CBY2: variants seen among roughly 807,000 people sequenced by gnomAD.
CBY2 encodes the protein chibby family member 2.
A neutral mutation model predicts 25.3 loss-of-function variants in CBY2; 23 were observed. The ratio of observed to expected loss-of-function variants is 0.91; its 90% CI spans 0.65 to 1.29. The LOEUF is 1.29. Among genes scored for constraint, CBY2 ranks in the 50% most tolerant of loss-of-function variants. CBY2 has a pLI of 0.00. For missense variants in CBY2, 642 were observed against 590.7 expected, an observed-to-expected ratio of 1.09 and a Z score of -0.90; for synonymous variants, 279 against 260.2, an observed-to-expected ratio of 1.07 and a Z score of -0.70.
intron 2 of CBY2, among the ~76,000 whole-genome samples, chr13:45,707,939 A>G (rs1209273855): frequency 1.3e-5 from 2 of 152,172 alleles, no homozygotes; most frequent in African/African-American, 4.8e-5. Context: ...TTCTTGTTCT[A>G]TATAATCTTT....
intron 2 of CBY2, among the ~76,000 whole-genome samples, chr13:45,705,482 C>A (rs1018771854): frequency 2.0e-5 from 3 of 152,172 alleles, no homozygotes; most frequent in African/African-American, 7.2e-5. Context: ...TGAATTCCTG[C>A]TGACAGCACC....
At chr13:45,707,813 C>T (rs566961065) in intron 2 of CBY2, among the ~76,000 whole-genome samples, 2 of 152,334 alleles carry the variant, frequency 1.3e-5, no homozygotes, top group East Asian at 3.9e-4. Flanking sequence ...ACTCCTTTAT[C>T]AGCTATGTAA....
rs760147067 is a variant in CBY2 at position 45,713,211 on chromosome 13, C to G, written c.186C>G (p.Leu62=). 1.2e-5 allele frequency: 20 copies of G among 1,613,024 alleles called. No individual in the cohort carries two copies. The highest frequency in any genetic ancestry group is 1.6e-5 in the Non-Finnish European group (19 of 1,179,632). ...GCACAGCCGAACCCTTCCCGAGGCT[C>G]CACAACTTGTACAGCACCCCTCGCT... The part of the protein sequence containing the change: ...QRGTAEPFPR[L]HNLYSTPRCA... The change falls in exon 3 of 3, where the codon CTC becomes CTG. Residue 62 remains leucine (L), a synonymous_variant. Transcript: ENST00000310521. The surrounding 1 kb of genome is among the most constrained non-coding windows in gnomAD (Gnocchi z 5.0).
At position 45,702,332 on chromosome 13, in the gene CBY2, C is replaced by T; in HGVS notation, c.-59C>T. 6.7e-7 allele frequency: 1 copy of T among 1,488,562 alleles called. No homozygotes were observed. The highest frequency in any genetic ancestry group is 9.4e-7 in the Non-Finnish European group (1 of 1,066,054). 92.2% of individuals were successfully genotyped at this position (1,488,562 alleles called of 1,614,324 possible). ...CTTCCTGCCTGTCAGATGCCTCATT[C>T]CCACCTGTGATGCTCAGAGAGAAAC... is the stretch of plus-strand genomic sequence containing the variant. On this transcript the variant is annotated 5_prime_UTR_variant, in exon 1 of 3. Transcript: ENST00000310521.
chr13:45,714,418 T>C lies in CBY2; in HGVS notation c.*46T>C. On this transcript the variant is annotated 3_prime_UTR_variant, in exon 3 of 3. Transcript: ENST00000310521. ...ACGCCGAGTTTGGGACACCGAACAC[T>C]GGGCAAAAGAGAATCCCCTGCCTTC... is the stretch of plus-strand genomic sequence containing the variant. 1.4e-6 allele frequency: 2 copies of C among 1,462,284 alleles called. No individual in the cohort carries two copies. The allele number at this position is 1,462,284 out of a possible 1,614,324, so 90.6% of individuals were successfully genotyped here.
chr13:45,702,510 AAGCAGGTAC>A, intron 1 of CBY2, 45 bp downstream of exon 1: 1 of 1,532,608 alleles, frequency 6.5e-7, no homozygotes, highest in Non-Finnish European at 9.0e-7. Flanking sequence ...TTAGACAGGG[AAGCAGGTAC>A]AGCTATCTCC....
intron 2 of CBY2, among the ~76,000 whole-genome samples, chr13:45,708,684 T>C (rs539403472): frequency 7.2e-5 from 11 of 152,366 alleles, no homozygotes; most frequent in African/African-American, 2.6e-4. Flanking sequence ...ATCATGATCC[T>C]TGTCATGTCT....
At chr13:45,706,988 A>G (rs1382186302) in intron 2 of CBY2, among the ~76,000 whole-genome samples, 1 of 152,180 alleles carries the variant, frequency 6.6e-6, no homozygotes, top group Non-Finnish European at 1.5e-5. Flanking sequence ...AGTAGAACTG[A>G]CCATCTGTTT....
In CBY2 at chr13:45,713,167, C is replaced by G; in HGVS notation, c.157-15C>G. The stretch of plus-strand genomic sequence containing the variant: ...TCCCATCGTTAACGCTGGGCTTTCC[C>G]ATTCTCTCCCGCAGAGGGGCACAGC... On this transcript the variant is annotated splice_polypyrimidine_tract_variant and intron_variant, in intron 2 of 2. Coordinates refer to ENST00000310521, the MANE Select transcript of CBY2 (RefSeq NM_152719.3). The surrounding 1 kb of genome is among the most constrained non-coding windows in gnomAD (Gnocchi z 5.0). The G allele has an allele frequency of 8.8e-6, 14 of 1,591,032 alleles. No individual in the cohort carries two copies. Among genetic ancestry groups the G allele is most frequent in the Non-Finnish European group, 1.2e-5 (14 of 1,165,862 alleles).
In CBY2 at chr13:45,713,057, G is replaced by A. The variant is rs920945227; in HGVS notation, c.157-125G>A. The A allele has an allele frequency of 1.2e-5, 9 of 724,340 alleles. No individual in the cohort carries two copies. The South Asian group carries it at 1.3e-4, about 11-fold the overall frequency. 44.9% of individuals were successfully genotyped at this position (724,340 alleles called of 1,614,324 possible). On this transcript the variant is annotated intron_variant, in intron 2 of 2. Coordinates refer to ENST00000310521, the MANE Select transcript of CBY2 (RefSeq NM_152719.3). This position sits in a 1 kb window ranked among gnomAD's most constrained non-coding sequence, Gnocchi z 5.0. ...TGTGAGGACCCCAAGAAGCAAAAGC[G>A]CCCACTGTGGCCAGGCCAGACAATC...
chr13:45,705,062 T>C (rs1156658132), intron 2 of CBY2, among the ~76,000 whole-genome samples: 4 of 152,236 alleles, frequency 2.6e-5, no homozygotes, highest in Non-Finnish European at 5.9e-5. Context: ...TGCTGTGCGT[T>C]TGGGCTTCTC....
intron 2 of CBY2, chr13:45,703,736 A>G: frequency 1.5e-6 from 1 of 665,712 alleles, no homozygotes; most frequent in Non-Finnish European, 2.6e-6. Flanking sequence ...CTGGATGTTT[A>G]TTTTCACATT....
In CBY2 at chr13:45,713,651, G is replaced by A. The variant is rs200167094; in HGVS notation, c.626G>A (p.Arg209Gln). ...GAGGAGCACAAGGCCTCGCTGGGCCGAGAGGAGAGCCGGGCCCCCTCGCCA... is the reference window on the plus strand; with the variant it reads ...GAGGAGCACAAGGCCTCGCTGGGCCAAGAGGAGAGCCGGGCCCCCTCGCCA... ...FWEEHKASLGREESRAPSPLL... is the reference protein window; with the variant it reads ...FWEEHKASLGQEESRAPSPLL... The change falls in exon 3 of 3, where the codon CGA (arginine) becomes CAA (glutamine). Residue 209 changes from arginine to glutamine, a missense_variant. Coordinates refer to ENST00000310521, the MANE Select transcript of CBY2 (RefSeq NM_152719.3). The surrounding 1 kb of genome is among the most constrained non-coding windows in gnomAD (Gnocchi z 5.0). 2.5e-6 allele frequency: 4 copies of A among 1,613,412 alleles called. No homozygotes were observed. The highest frequency in any genetic ancestry group is 1.1e-5 in the South Asian group (1 of 91,076).
At chr13:45,705,738 C>T (rs552864480) in intron 2 of CBY2, among the ~76,000 whole-genome samples, 1 of 152,214 alleles carries the variant, frequency 6.6e-6, no homozygotes, top group Non-Finnish European at 1.5e-5. Context: ...GCCTTGTCAT[C>T]TCATATGAAA....
rs1183215015 is a variant in CBY2, at chr13:45,714,178, G to A, written c.1153G>A (p.Val385Met). 1 of 1,610,986 alleles carries A rather than the reference G, an allele frequency of 6.2e-7. No individual in the cohort carries two copies. The highest frequency in any genetic ancestry group is 2.2e-5 in the East Asian group (1 of 44,780). Residue 385 changes from valine to methionine, a missense_variant, in exon 3 of 3, where the codon GTG (valine) becomes ATG (methionine). Transcript: ENST00000310521. ...LLQEENRTLQ[V>M]LRAEHRGFQE... ...GCAGGAGGAGAACAGGACCCTGCAGGTGCTACGGGCAGAGCACAGGGGCTT... is the reference window on the plus strand; with the variant it reads ...GCAGGAGGAGAACAGGACCCTGCAGATGCTACGGGCAGAGCACAGGGGCTT...
rs1950287392 is a variant in CBY2, at chr13:45,713,566, G to A, written c.541G>A (p.Ala181Thr). 6.2e-7 allele frequency: 1 copy of A among 1,613,916 alleles called. No individual in the cohort carries two copies. Among genetic ancestry groups the A allele is most frequent in the Non-Finnish European group, 8.5e-7 (1 of 1,179,882 alleles). Reference sequence around the variant, plus strand: ...CAAGTCTCTGCGGGAGGAGAACAAGGCCCTGCGCGAGGAGAACCGGATGCT... The same window carrying A: ...CAAGTCTCTGCGGGAGGAGAACAAGACCCTGCGCGAGGAGAACCGGATGCT... ...ENKSLREENK[A>T]LREENRMLSK... Residue 181 changes from alanine (A) to threonine (T), a missense_variant, in exon 3 of 3, where the codon GCC becomes ACC. By Grantham distance (58) the Ala-to-Thr change is moderately conservative. Transcript: ENST00000310521. The surrounding 1 kb of genome is among the most constrained non-coding windows in gnomAD (Gnocchi z 5.0).
chr13:45,706,604 T>C lies in CBY2; in HGVS notation c.156+3749T>C, dbSNP rs775090701. ...CCTACTGGATCTCTATGTGAGGGCA[T>C]TTCCTAGAGACCAGAAAAGAGACAA... is the stretch of plus-strand genomic sequence containing the variant. On this transcript the variant is annotated intron_variant, in intron 2 of 2. Transcript: ENST00000310521. 1.5e-4 allele frequency among the ~76,000 whole-genome samples: 23 copies of C among 152,206 alleles called. 1 individual carries two copies. Among genetic ancestry groups the C allele is most frequent in the Admixed American group, 1.5e-3 (23 of 15,282 alleles).
intron 2 of CBY2, among the ~76,000 whole-genome samples, chr13:45,708,826 G>T (rs773200373): frequency 3.2e-4 from 49 of 152,282 alleles, no homozygotes; most frequent in Non-Finnish European, 2.6e-4. Context: ...CCACTTTCTT[G>T]GTCCTGTCTG....
rs1950214068 is a variant in CBY2, at chr13:45,702,335, A to G, written c.-56A>G. The G allele has an allele frequency of 4.7e-6, 7 of 1,505,044 alleles. No homozygotes were observed. The Admixed American group carries it at 5.0e-5, about 11-fold the overall frequency. The allele number at this position is 1,505,044 out of a possible 1,614,324, so 93.2% of individuals were successfully genotyped here. A position where few individuals can be genotyped will look rare whatever the true frequency, so the allele number is the denominator to read the frequency against. ...CCTGCCTGTCAGATGCCTCATTCCCACCTGTGATGCTCAGAGAGAAACCAT... is the reference window on the plus strand; with the variant it reads ...CCTGCCTGTCAGATGCCTCATTCCCGCCTGTGATGCTCAGAGAGAAACCAT... On this transcript the variant is annotated 5_prime_UTR_variant, in exon 1 of 3. Transcript: ENST00000310521.
Sources: allele counts gnomAD v4.1 joint callset (sites outside exome capture counted in the v4.1 genomes callset), GRCh38; gene constraint gnomAD v4.1.1; non-coding constraint Gnocchi (gnomAD v3.1); transcripts MANE v1.5; gene names NCBI Gene and HGNC (gene_info 2026-07-23, HGNC 2026-07-21).